PYGO2: variants seen among roughly 807,000 people sequenced by gnomAD.
PYGO2 encodes pygopus homolog 2.
Under a neutral mutation model 26.7 loss-of-function variants are expected in PYGO2, and 9 were observed. The observed-to-expected ratio is 0.34, with a 90% CI of 0.20 to 0.59. PYGO2 has a LOEUF of 0.59. PYGO2 is among the 20% of genes least tolerant of loss of function. The pLI is 0.84. For missense variants in PYGO2, 538 were observed against 561.5 expected (o/e 0.96, Z 0.42); for synonymous variants, 236 against 219.0 (o/e 1.08, Z -0.68).
chr1:154,961,055 AC>A, intron 1 of PYGO2, 29 bp from the exon 2 acceptor site: 1 of 1,607,352 alleles, frequency 6.2e-7, no homozygotes, highest in African/African-American at 1.3e-5. Flanking sequence ...GAAGACGCAG[AC>A]AAGTTTCCCT....
Position 154,961,465 on chromosome 1 carries a change from C to T in PYGO2, c.103+9G>A. On this transcript the variant is annotated intron_variant, in intron 1 of 2. Transcript: ENST00000368457. ...CCTCTTCAGCCCCCGCCCCTCGCAG[C>T]GCGCTCACCGGCCTTGCCCTGCTTC... is the stretch of plus-strand genomic sequence containing the variant. The T allele has an allele frequency of 6.8e-7, 1 of 1,480,378 alleles. No homozygotes were observed. Among genetic ancestry groups the T allele is most frequent in the Non-Finnish European group, 8.9e-7 (1 of 1,119,796 alleles). 91.7% of individuals were successfully genotyped at this position (1,480,378 alleles called of 1,614,324 possible).
At chr1:154,960,264 C>CA (rs893558612) in intron 2 of PYGO2, among the ~76,000 whole-genome samples, 1,772 of 62,898 alleles carry the variant, frequency 0.028, 28 homozygotes, top group Middle Eastern at 0.042. Flanking sequence ...GACTCCGTCT[C>CA]AAAAAAAAAA....
At position 154,959,676 on chromosome 1, in the gene PYGO2, C is replaced by T. The variant is rs1655279372; in HGVS notation, c.324G>A (p.Gly108=). 1 of 1,435,988 alleles carries T rather than the reference C, an allele frequency of 7.0e-7. No individual in the cohort carries two copies. Among genetic ancestry groups the T allele is most frequent in the Non-Finnish European group, 9.2e-7 (1 of 1,089,274 alleles). The allele number at this position is 1,435,988 out of a possible 1,614,324, so 89.0% of individuals were successfully genotyped here. ...PVPFGGFRVQ[G]GMAGQVPPGY... ...CTGGGGGTACCTGGCCCGCCATGCCCCCCTGCACACGGAAGCCTCCGAAGG... is the reference window on the plus strand; with the variant it reads ...CTGGGGGTACCTGGCCCGCCATGCCTCCCTGCACACGGAAGCCTCCGAAGG... Residue 108 remains glycine (G), a synonymous_variant, in exon 3 of 3, where the codon GGG becomes GGA. Transcript: ENST00000368457. The surrounding 1 kb of genome is among the most constrained non-coding windows in gnomAD (Gnocchi z 4.7).
At position 154,958,019 on chromosome 1, in the gene PYGO2, A is replaced by G. The variant is rs1655237846; in HGVS notation, c.*760T>C. ...CTGGTCTGTCAGATAACATATCCCA[A>G]TTTTTGGCAAAAATATGGTCATTAG... On this transcript the variant is annotated 3_prime_UTR_variant, in exon 3 of 3. Coordinates refer to ENST00000368457, the MANE Select transcript of PYGO2 (RefSeq NM_138300.4). The G allele has an allele frequency of 6.5e-6, 1 of 152,756 alleles. No homozygotes were observed. Among genetic ancestry groups the G allele is most frequent in the South Asian group, 2.1e-4 (1 of 4,832 alleles). The allele number at this position is 152,756 out of a possible 1,614,324, so 9.5% of individuals were successfully genotyped here.
rs750526119 is a variant in PYGO2 at position 154,959,736 on chromosome 1, C to T, written c.264G>A (p.Gly88=). The change falls in exon 3 of 3, where the codon GGG becomes GGA. Residue 88 remains glycine (G), a synonymous_variant. Coordinates refer to ENST00000368457, the MANE Select transcript of PYGO2 (RefSeq NM_138300.4). The surrounding 1 kb of genome is among the most constrained non-coding windows in gnomAD (Gnocchi z 4.7). ...TGCCAAGGAATGGAGGGGCTGCAAC[C>T]CCCACTTTGGGGGCTCCGAAGTCAT... The part of the protein sequence containing the change: ...FEDDFGAPKV[G]VAAPPFLGSP... 4 of 1,399,080 alleles carry T rather than the reference C, an allele frequency of 2.9e-6. No individual in the cohort carries two copies. Among genetic ancestry groups the T allele is most frequent in the Non-Finnish European group, 3.7e-6 (4 of 1,067,144 alleles). The allele number at this position is 1,399,080 out of a possible 1,614,324, so 86.7% of individuals were successfully genotyped here.
Position 154,957,191 on chromosome 1 carries a change from G to A in PYGO2, c.*1588C>T, listed in dbSNP as rs1571405836. On this transcript the variant is annotated 3_prime_UTR_variant, in exon 3 of 3. Coordinates refer to ENST00000368457, the MANE Select transcript of PYGO2 (RefSeq NM_138300.4). The stretch of plus-strand genomic sequence containing the variant: ...CCATTTTACAAAATGCGGAGCAGGG[G>A]AAGACAACACAAAAACAGCAACAGA... The A allele has an allele frequency of 6.6e-6, 1 of 152,484 alleles. No homozygotes were observed. Among genetic ancestry groups the A allele is most frequent in the East Asian group, 1.9e-4 (1 of 5,336 alleles). The allele number at this position is 152,484 out of a possible 1,614,324, so 9.4% of individuals were successfully genotyped here. A position where few individuals can be genotyped will look rare whatever the true frequency, so the allele number is the denominator to read the frequency against.
At chr1:154,960,142 G>A (rs779491186) in intron 2 of PYGO2, among the ~76,000 whole-genome samples, 7 of 151,870 alleles carry the variant, frequency 4.6e-5, no homozygotes, top group Admixed American at 1.3e-4. Flanking sequence ...GTGGGCGCCT[G>A]TAGTCCCAGC....
rs2101993862 is a variant in PYGO2, at chr1:154,958,139, CA to C, written c.*639del. 2 of 152,864 alleles carry C rather than the reference CA, an allele frequency of 1.3e-5. No homozygotes were observed. The highest frequency in any genetic ancestry group is 4.8e-5 in the African/African-American group (2 of 41,552). 9.5% of individuals were successfully genotyped at this position (152,864 alleles called of 1,614,324 possible). ...TCTCTCACCTACTGTCTTGAAGCCC[CA>C]AATCACCAAGAAACTGCCATAACCA... On this transcript the variant is annotated 3_prime_UTR_variant, in exon 3 of 3. Transcript: ENST00000368457.
intron 2 of PYGO2, among the ~76,000 whole-genome samples, chr1:154,960,436 AAAG>A (rs1344019024): frequency 1.3e-5 from 2 of 151,632 alleles, no homozygotes; most frequent in African/African-American, 4.8e-5. Context: ...AGAAAAGAAA[AAAG>A]AAAAAAAAAA....
intron 1 of PYGO2, 54 bp from the exon 2 acceptor site, chr1:154,961,080 C>A: frequency 6.4e-7 from 1 of 1,553,884 alleles, no homozygotes; most frequent in Admixed American, 1.8e-5. Flanking sequence ...GTTTCCCCAA[C>A]CTCTTTTCTC....
Position 154,959,750 on chromosome 1 carries a change from C to A in PYGO2, c.250G>T (p.Ala84Ser). The A allele has an allele frequency of 7.2e-7, 1 of 1,395,426 alleles. No homozygotes were observed. Among genetic ancestry groups the A allele is most frequent in the Non-Finnish European group, 9.4e-7 (1 of 1,065,288 alleles). 86.4% of individuals were successfully genotyped at this position (1,395,426 alleles called of 1,614,324 possible). A position where few individuals can be genotyped will look rare whatever the true frequency, so the allele number is the denominator to read the frequency against. ...GGGGCTGCAACCCCCACTTTGGGGGCTCCGAAGTCATCTTCAAAAGGGTTG... is the reference window on the plus strand; with the variant it reads ...GGGGCTGCAACCCCCACTTTGGGGGATCCGAAGTCATCTTCAAAAGGGTTG... ...ASNPFEDDFG[A>S]PKVGVAAPPF... The change falls in exon 3 of 3, where the codon GCC (alanine) becomes TCC (serine). Residue 84 changes from alanine to serine, a missense_variant. Coordinates refer to ENST00000368457, the MANE Select transcript of PYGO2 (RefSeq NM_138300.4). This position sits in a 1 kb window ranked among gnomAD's most constrained non-coding sequence, Gnocchi z 4.7.
At chr1:154,960,532 C>T (rs1313775986) in intron 2 of PYGO2, among the ~76,000 whole-genome samples, 1 of 151,892 alleles carries the variant, frequency 6.6e-6, no homozygotes, top group Non-Finnish European at 1.5e-5. Flanking sequence ...GGATGGAATC[C>T]CAGCTCTGAC....
Position 154,959,217 on chromosome 1 carries a change from C to G in PYGO2, c.783G>C (p.Lys261Asn), listed in dbSNP as rs1327394175. 6.4e-7 allele frequency: 1 copy of G among 1,574,190 alleles called. No individual in the cohort carries two copies. The highest frequency in any genetic ancestry group is 8.6e-7 in the Non-Finnish European group (1 of 1,160,560). Residue 261 changes from lysine to asparagine, a missense_variant, in exon 3 of 3, where the codon AAG (lysine) becomes AAC (asparagine). Physicochemically the swap from Lys to Asn is moderately conservative, Grantham distance 94 (BLOSUM62 0). Transcript: ENST00000368457. The surrounding 1 kb of genome is among the most constrained non-coding windows in gnomAD (Gnocchi z 4.7). ...CAGTAGAAGCAGGTGGATTCAAGGGCTTCCCCCCATCCTCACCACCAGGGC... is the reference window on the plus strand; with the variant it reads ...CAGTAGAAGCAGGTGGATTCAAGGGGTTCCCCCCATCCTCACCACCAGGGC... The part of the protein sequence containing the change: ...FPGPGGEDGG[K>N]PLNPPASTAF...
Position 154,959,703 on chromosome 1 carries a change from C to T in PYGO2, c.297G>A (p.Val99=), listed in dbSNP as rs764475709. 1 of 1,434,252 alleles carries T rather than the reference C, an allele frequency of 7.0e-7. No individual in the cohort carries two copies. The highest frequency in any genetic ancestry group is 9.2e-7 in the Non-Finnish European group (1 of 1,087,600). 88.8% of individuals were successfully genotyped at this position (1,434,252 alleles called of 1,614,324 possible). Residue 99 remains valine (V), a synonymous_variant, in exon 3 of 3, where the codon GTG becomes GTA. Coordinates refer to ENST00000368457, the MANE Select transcript of PYGO2 (RefSeq NM_138300.4). This position sits in a 1 kb window ranked among gnomAD's most constrained non-coding sequence, Gnocchi z 4.7. ...CCTGCACACGGAAGCCTCCGAAGGG[C>T]ACAGGACTGCCAAGGAATGGAGGGG... ...VAAPPFLGSP[V]PFGGFRVQGG...
rs61751622 is a variant in PYGO2 at position 154,959,675 on chromosome 1, C to T, written c.325G>A (p.Gly109Ser). ...CCTGGGGGTACCTGGCCCGCCATGC[C>T]CCCCTGCACACGGAAGCCTCCGAAG... ...VPFGGFRVQG[G>S]MAGQVPPGYS... Residue 109 changes from glycine (G) to serine (S), a missense_variant, in exon 3 of 3, where the codon GGC becomes AGC. By Grantham distance (56) the Gly-to-Ser change is moderately conservative. This residue lies in a region of PYGO2 where 381 missense variants were observed against 336.6 expected (regional missense o/e 1.13). Coordinates refer to ENST00000368457, the MANE Select transcript of PYGO2 (RefSeq NM_138300.4). This position sits in a 1 kb window ranked among gnomAD's most constrained non-coding sequence, Gnocchi z 4.7. 4 of 1,434,308 alleles carry T rather than the reference C, an allele frequency of 2.8e-6. No individual in the cohort carries two copies. Among genetic ancestry groups the T allele is most frequent in the Non-Finnish European group, 3.7e-6 (4 of 1,088,304 alleles). 88.8% of individuals were successfully genotyped at this position (1,434,308 alleles called of 1,614,324 possible). A position where few individuals can be genotyped will look rare whatever the true frequency, so the allele number is the denominator to read the frequency against.
intron 1 of PYGO2, 39 bp from the exon 2 acceptor site, chr1:154,961,065 C>T: frequency 6.3e-7 from 1 of 1,598,294 alleles, no homozygotes; most frequent in African/African-American, 1.3e-5. Context: ...ACAAGTTTCC[C>T]TGAGGTTTCC....
Position 154,958,915 on chromosome 1 carries a change from G to A in PYGO2, c.1085C>T (p.Thr362Ile), listed in dbSNP as rs1316208930. 3 of 1,613,954 alleles carry A rather than the reference G, an allele frequency of 1.9e-6. No individual in the cohort carries two copies. Among genetic ancestry groups the A allele is most frequent in the African/African-American group, 2.7e-5 (2 of 74,940 alleles). The change falls in exon 3 of 3, where the codon ACT becomes ATT. Residue 362 changes from threonine to isoleucine, a missense_variant. By Grantham distance (89) the Thr-to-Ile change is moderately conservative. Coordinates refer to ENST00000368457, the MANE Select transcript of PYGO2 (RefSeq NM_138300.4). ...KWFHRECTGM[T>I]ESAYGLLTTE... is the part of the protein sequence containing the mutation. ...GGTCAGCAGCCCATAGGCGCTCTCA[G>A]TCATGCCTGTGCACTCACGGTGGAA...
intron 1 of PYGO2, 72 bp from the exon 2 acceptor site, chr1:154,961,098 T>C (rs765806998): frequency 4.9e-6 from 7 of 1,437,156 alleles, no homozygotes; most frequent in Non-Finnish European, 6.7e-6. Flanking sequence ...CTCTCAGCCA[T>C]GCTCTGAGGA....
chr1:154,961,088 C>A, intron 1 of PYGO2, 62 bp from the exon 2 acceptor site: 1 of 1,521,894 alleles, frequency 6.6e-7, no homozygotes, highest in Non-Finnish European at 9.0e-7. Flanking sequence ...AACCTCTTTT[C>A]TCTCAGCCAT....
Sources: allele counts gnomAD v4.1 joint callset (sites outside exome capture counted in the v4.1 genomes callset), GRCh38; gene constraint gnomAD v4.1.1; regional missense constraint gnomAD v4.1.1; non-coding constraint Gnocchi (gnomAD v3.1); transcripts MANE v1.5; gene names NCBI Gene and HGNC (gene_info 2026-07-23, HGNC 2026-07-21).